The following TCERG1L variants were observed in gnomAD, a reference collection of about 807,000 sequenced individuals.
TCERG1L encodes transcription elongation regulator 1 like, also known as transcription elongation regulator 1-like protein.
TCERG1L carries 37 observed loss-of-function variants against 56.3 expected under a neutral mutation model. The observed-to-expected ratio is 0.66, with a 90% CI of 0.51 to 0.87. The LOEUF is 0.87. Ranked by LOEUF, TCERG1L falls within the 40% of genes least tolerant of loss-of-function variation. The pLI is 0.00. For missense variants in TCERG1L, 799 were observed against 774.2 expected (o/e 1.03, Z -0.38); for synonymous variants, 324 against 326.3 (o/e 0.99, Z 0.08).
intron 3 of TCERG1L, among the ~76,000 whole-genome samples, chr10:131,302,572 C>T (rs559789878): frequency 4.6e-5 from 7 of 151,414 alleles, no homozygotes; most frequent in African/African-American, 1.7e-4. Flanking sequence ...TCTCTATTAA[C>T]ATAGCTAGAT....
At chr10:131,114,679 G>A (rs1225902058) in intron 9 of TCERG1L, among the ~76,000 whole-genome samples, 1 of 152,130 alleles carries the variant, frequency 6.6e-6, no homozygotes, top group Non-Finnish European at 1.5e-5. Context: ...TGTAAACTGA[G>A]TCTGATAGCA....
At chr10:131,132,296 A>G (rs1340997052) in intron 8 of TCERG1L, among the ~76,000 whole-genome samples, 1 of 152,226 alleles carries the variant, frequency 6.6e-6, no homozygotes, top group Non-Finnish European at 1.5e-5. Context: ...GGAATCTTCA[A>G]GGCTGGAACC....
intron 4 of TCERG1L, among the ~76,000 whole-genome samples, chr10:131,218,751 G>T (rs1284388967): frequency 6.6e-6 from 1 of 152,208 alleles, no homozygotes; most frequent in African/African-American, 2.4e-5. Flanking sequence ...CCGGGAAGCA[G>T]CTGGGCTGAC....
At chr10:131,253,477 T>G (rs946944184) in intron 4 of TCERG1L, among the ~76,000 whole-genome samples, 3 of 152,084 alleles carry the variant, frequency 2.0e-5, no homozygotes, top group African/African-American at 7.2e-5. Flanking sequence ...CCCCAAAGAT[T>G]GTGGTGACTG....
At chr10:131,220,980 C>T (rs1007274348) in intron 4 of TCERG1L, among the ~76,000 whole-genome samples, 4 of 152,134 alleles carry the variant, frequency 2.6e-5, no homozygotes, top group African/African-American at 9.7e-5. Flanking sequence ...CAGCCCCACC[C>T]CCGGAGCAAC....
chr10:131,131,306 C>T (rs1374926274), intron 8 of TCERG1L, among the ~76,000 whole-genome samples: 1 of 152,066 alleles, frequency 6.6e-6, no homozygotes, highest in Non-Finnish European at 1.5e-5. Flanking sequence ...CGGGAATGCT[C>T]CCCAGAGCCC....
Position 131,166,878 on chromosome 10 carries a change from C to T in TCERG1L, c.864G>A (p.Arg288=), listed in dbSNP as rs749378876. Residue 288 remains arginine, a synonymous_variant, in exon 5 of 12, where the codon AGG becomes AGA. Coordinates refer to ENST00000368642, the MANE Select transcript of TCERG1L (RefSeq NM_174937.4). The part of the protein sequence containing the change: ...PLRTSPVSDT[R]TERGRVARPP... ...GGCGGGCCACTCGGCCCCGCTCTGT[C>T]CTTGTATCTGTTGGGCCAAAGCAGT... is the stretch of plus-strand genomic sequence containing the variant. 2 of 1,611,204 alleles carry T rather than the reference C, an allele frequency of 1.2e-6. No individual in the cohort carries two copies. Among genetic ancestry groups the T allele is most frequent in the African/African-American group, 2.7e-5 (2 of 74,932 alleles).
intron 3 of TCERG1L, among the ~76,000 whole-genome samples, chr10:131,302,338 G>T (rs2944497): frequency 4.5e-4 from 58 of 128,428 alleles, no homozygotes; most frequent in Non-Finnish European, 5.0e-4. Flanking sequence ...TTGTTTTTTT[G>T]TTTTTTTTTT....
In TCERG1L at chr10:131,255,581, T is replaced by G. The variant is rs548406293; in HGVS notation, c.856+4678A>C. The stretch of plus-strand genomic sequence containing the variant: ...TCTATTGTATTAGTATTCTCTATAC[T>G]GGACATAACCTTAGGCACGCTGTGG... On this transcript the variant is annotated intron_variant, in intron 4 of 11. Transcript: ENST00000368642. Among the ~76,000 whole-genome samples the G allele has an allele frequency of 8.5e-5, 13 of 152,376 alleles. 1 individual carries two copies. In the South Asian group the frequency reaches 2.5e-3, roughly 29 times the overall value.
intron 8 of TCERG1L, among the ~76,000 whole-genome samples, chr10:131,121,205 T>C (rs1332285782): frequency 6.6e-6 from 1 of 152,196 alleles, no homozygotes; most frequent in Non-Finnish European, 1.5e-5. Flanking sequence ...GCCAGGGTGC[T>C]GCCATGTGAT....
At chr10:131,182,332 C>CA (rs1215986371) in intron 4 of TCERG1L, among the ~76,000 whole-genome samples, 3 of 152,248 alleles carry the variant, frequency 2.0e-5, no homozygotes, top group African/African-American at 7.2e-5. Context: ...GGGAGGTCCT[C>CA]AGGGCAGGGC....
intron 7 of TCERG1L, among the ~76,000 whole-genome samples, chr10:131,140,124 G>A (rs1004664275): frequency 6.6e-6 from 1 of 152,146 alleles, no homozygotes; most frequent in Non-Finnish European, 1.5e-5. Flanking sequence ...TCCTAGGCAC[G>A]CCTAAACTTC....
intron 10 of TCERG1L, among the ~76,000 whole-genome samples, chr10:131,100,702 G>C (rs1014396029): frequency 1.3e-5 from 2 of 152,212 alleles, no homozygotes; most frequent in Admixed American, 6.5e-5. Flanking sequence ...CAGAGGAAGG[G>C]CTGTGATTTT....
At chr10:131,112,841 G>A (rs977895564) in intron 9 of TCERG1L, among the ~76,000 whole-genome samples, 2 of 142,422 alleles carry the variant, frequency 1.4e-5, no homozygotes, top group African/African-American at 4.9e-5. Flanking sequence ...TTTGCCGAGC[G>A]GTAACCTTAC....
chr10:131,120,845 T>C (rs986393062), intron 8 of TCERG1L, among the ~76,000 whole-genome samples: 17 of 152,160 alleles, frequency 1.1e-4, no homozygotes, highest in African/African-American at 3.6e-4. Context: ...CCTTCACTCC[T>C]TCCCTCCCTC....
At chr10:131,139,772 ATG>A (rs907513689) in intron 7 of TCERG1L, among the ~76,000 whole-genome samples, 8 of 149,822 alleles carry the variant, frequency 5.3e-5, no homozygotes, top group South Asian at 2.1e-4. Flanking sequence ...CTGTATGTAT[ATG>A]TGTGTCTGTG....
intron 4 of TCERG1L, among the ~76,000 whole-genome samples, chr10:131,230,382 G>A (rs10829952): frequency 0.31 from 46,665 of 152,120 alleles, 7,371 homozygotes; most frequent in Middle Eastern, 0.37. Context: ...CTGGGTGACC[G>A]CAGCACGTGC....
At chr10:131,148,654 C>G (rs949833403) in intron 6 of TCERG1L, among the ~76,000 whole-genome samples, 1 of 116,528 alleles carries the variant, frequency 8.6e-6, no homozygotes, top group Admixed American at 9.6e-5. Context: ...AGACAGAGAT[C>G]GGGAGATGCC....
At position 131,111,309 on chromosome 10, in the gene TCERG1L, A is replaced by C. The variant is rs1327544928; in HGVS notation, c.1395+5490T>G. Among the ~76,000 whole-genome samples, 3 of 141,898 alleles carry C rather than the reference A, an allele frequency of 2.1e-5. 1 individual carries two copies. The highest frequency in any genetic ancestry group is 1.4e-4 in the Admixed American group (2 of 14,426). The allele number at this position is 141,898 out of a possible 152,430, so 93.1% of individuals were successfully genotyped here. A position where few individuals can be genotyped will look rare whatever the true frequency, so the allele number is the denominator to read the frequency against. ...CCTGCTGTGGTCCTCAGGGTGTCCC[A>C]GGGACAGCAGCTGCAGTCTCTGCCC... On this transcript the variant is annotated intron_variant, in intron 9 of 11. Coordinates refer to ENST00000368642, the MANE Select transcript of TCERG1L (RefSeq NM_174937.4).
Sources: allele counts gnomAD v4.1 joint callset (sites outside exome capture counted in the v4.1 genomes callset), GRCh38; gene constraint gnomAD v4.1.1; transcripts MANE v1.5; gene names NCBI Gene and HGNC (gene_info 2026-07-23, HGNC 2026-07-21).